Variants in CDC34 observed in about 807,000 individuals in gnomAD.
CDC34 encodes cell division cycle 34, ubiquitin conjugating enzyme.
Under a neutral mutation model 26.8 loss-of-function variants are expected in CDC34, and 18 were observed. That is an observed-to-expected ratio of 0.67 (90% confidence interval 0.47 to 1.00). The LOEUF is 1.00. Ranked by LOEUF, CDC34 falls within the 50% of genes least tolerant of loss-of-function variation. The pLI is 0.00. For missense variants in CDC34, 280 were observed against 334.5 expected, an observed-to-expected ratio of 0.84 and a Z score of 1.27; for synonymous variants, 178 against 147.5, an observed-to-expected ratio of 1.21 and a Z score of -1.50.
At position 542,063 on chromosome 19, in the gene CDC34, A is replaced by G. The variant is rs1980044839; in HGVS notation, c.*511A>G. Reference sequence around the variant, plus strand: ...TTTTCCCTGCTTTGGTTTGTTTGAAATCTAAATAAAACTACTTTATGAGAG... The same window carrying G: ...TTTTCCCTGCTTTGGTTTGTTTGAAGTCTAAATAAAACTACTTTATGAGAG... On this transcript the variant is annotated 3_prime_UTR_variant, in exon 5 of 5. Transcript: ENST00000215574. The G allele has an allele frequency of 6.6e-6, 1 of 152,654 alleles. No homozygotes were observed. The highest frequency in any genetic ancestry group is 1.5e-5 in the Non-Finnish European group (1 of 68,378). The allele number at this position is 152,654 out of a possible 1,614,324, so 9.5% of individuals were successfully genotyped here.
At chr19:536,767 C>T in intron 3 of CDC34, 1 of 569,180 alleles carries the variant, frequency 1.8e-6, no homozygotes, top group Non-Finnish European at 3.2e-6. Flanking sequence ...GGTGTGAGGG[C>T]AGCCCCGGGT....
intron 4 of CDC34, among the ~76,000 whole-genome samples, chr19:539,628 C>T (rs1979920820): frequency 6.6e-6 from 1 of 152,166 alleles, no homozygotes; most frequent in South Asian, 2.1e-4. Flanking sequence ...ACTGTGGGAC[C>T]CGCACACCCT....
intron 3 of CDC34, 54 bp from the exon 4 acceptor site, chr19:536,959 G>C: frequency 6.2e-7 from 1 of 1,610,174 alleles, no homozygotes; most frequent in African/African-American, 1.3e-5. Flanking sequence ...CCAGAGAAGA[G>C]CCGGAAGGCT....
At chr19:538,775 G>A in intron 4 of CDC34, 1 of 985,398 alleles carries the variant, frequency 1.0e-6, no homozygotes, top group South Asian at 4.7e-5. Flanking sequence ...GGCGGTCTCG[G>A]CTCTGAGCAG....
Position 539,083 on chromosome 19 carries a change from C to T in CDC34, c.497+1936C>T, listed in dbSNP as rs139963220. Reference sequence around the variant, plus strand: ...TGTGCCATGTGGACTCTGCTGTGGTCGCCGTTTCTGCCTGTTTTTTCATCT... The same window carrying T: ...TGTGCCATGTGGACTCTGCTGTGGTTGCCGTTTCTGCCTGTTTTTTCATCT... On this transcript the variant is annotated intron_variant, in intron 4 of 4. Transcript: ENST00000215574. 1.9e-4 allele frequency: 170 copies of T among 899,990 alleles called. 2 individuals are homozygous for T. In the African/African-American group the frequency reaches 2.7e-3, roughly 14 times the overall value. 55.8% of individuals were successfully genotyped at this position (899,990 alleles called of 1,614,324 possible). A position where few individuals can be genotyped will look rare whatever the true frequency, so the allele number is the denominator to read the frequency against.
intron 4 of CDC34, among the ~76,000 whole-genome samples, chr19:537,542 C>T (rs1451691044): frequency 6.6e-6 from 1 of 151,320 alleles, no homozygotes; most frequent in Non-Finnish European, 1.5e-5. Context: ...TTAGTAGAGA[C>T]GGGGTTTCAG....
chr19:536,070 C>T (rs1979729594), intron 2 of CDC34, 147 bp downstream of exon 2: 2 of 890,602 alleles, frequency 2.2e-6, no homozygotes, highest in South Asian at 1.5e-5. Context: ...AGCCTCACGT[C>T]CTCGTCCTTC....
intron 1 of CDC34, among the ~76,000 whole-genome samples, chr19:532,619 G>A (rs1332794226): frequency 1.3e-5 from 2 of 152,240 alleles, no homozygotes; most frequent in Non-Finnish European, 2.9e-5. Context: ...CCGTGAGCGG[G>A]GGAGCGAGGC....
intron 1 of CDC34, among the ~76,000 whole-genome samples, chr19:534,029 C>T (rs925227713): frequency 2.6e-5 from 4 of 152,236 alleles, no homozygotes; most frequent in African/African-American, 4.8e-5. Flanking sequence ...AGGGCGCTTT[C>T]CTTTTCTGAG....
In CDC34 at chr19:532,358, C is replaced by T. The variant is rs532288607; in HGVS notation, c.177+250C>T. On this transcript the variant is annotated intron_variant, in intron 1 of 4. Coordinates refer to ENST00000215574, the MANE Select transcript of CDC34 (RefSeq NM_004359.2). Reference sequence around the variant, plus strand: ...TCCCCAGTTCCCTTCAAGGCATCGTCCGGTCCCCTGTTAGGCTCTTGGCCC... The same window carrying T: ...TCCCCAGTTCCCTTCAAGGCATCGTTCGGTCCCCTGTTAGGCTCTTGGCCC... Among the ~76,000 whole-genome samples the T allele has an allele frequency of 3.9e-5, 6 of 152,336 alleles. No homozygotes were observed. In the East Asian group the frequency reaches 1.2e-3, roughly 29 times the overall value.
At chr19:536,457 C>A in intron 3 of CDC34, 117 bp downstream of exon 3, 1 of 774,798 alleles carries the variant, frequency 1.3e-6, no homozygotes, top group Non-Finnish European at 2.1e-6. Flanking sequence ...GCGCCAAGGC[C>A]TGATTCGGGA....
chr19:537,311 C>T (rs1372627384), intron 4 of CDC34, among the ~76,000 whole-genome samples, 164 bp downstream of exon 4: 2 of 152,116 alleles, frequency 1.3e-5, no homozygotes, highest in Non-Finnish European at 2.9e-5. Context: ...GGCCGAGTGG[C>T]GGAGGGTCCA....
chr19:535,130 C>T (rs975013617), intron 1 of CDC34, among the ~76,000 whole-genome samples: 35 of 152,340 alleles, frequency 2.3e-4, no homozygotes, highest in African/African-American at 8.2e-4. Flanking sequence ...TCACCTGGCA[C>T]GTGGCTTCAG....
chr19:534,444 C>G (rs1027697355), intron 1 of CDC34, among the ~76,000 whole-genome samples: 2 of 143,448 alleles, frequency 1.4e-5, no homozygotes, highest in African/African-American at 5.1e-5. Context: ...ACCTCGCCCA[C>G]GATCCAAGAC....
At chr19:533,906 G>A (rs546996790) in intron 1 of CDC34, among the ~76,000 whole-genome samples, 13 of 152,328 alleles carry the variant, frequency 8.5e-5, no homozygotes, top group Admixed American at 5.2e-4. Flanking sequence ...GCCCAGGGCC[G>A]CTGCTGCCCA....
chr19:535,905 G>A lies in CDC34; in HGVS notation c.246G>A (p.Trp82Ter). ...PPAFRFLTKM[W>*]HPNIYETGDV... ...CCTTTCGGTTCCTGACCAAGATGTG[G>A]CACCCTAACATCTACGAGGTGAGCG... is the stretch of plus-strand genomic sequence containing the variant. Residue 82 changes from tryptophan (W) to a stop codon, truncating the protein, a stop_gained, in exon 2 of 5, where the codon TGG becomes TGA. Transcript: ENST00000215574. LOFTEE classifies it high-confidence loss of function. 6.2e-7 allele frequency: 1 copy of A among 1,613,626 alleles called. No homozygotes were observed. The highest frequency in any genetic ancestry group is 8.5e-7 in the Non-Finnish European group (1 of 1,179,770).
intron 4 of CDC34, among the ~76,000 whole-genome samples, chr19:537,651 CTTTTTT>C (rs773623358): frequency 7.5e-5 from 5 of 67,076 alleles, no homozygotes; most frequent in Non-Finnish European, 1.4e-4. Flanking sequence ...CGCGGCCGGC[CTTTTTT>C]TTTTTTTTTT....
Position 537,064 on chromosome 19 carries a change from G to T in CDC34, c.414G>T (p.Ser138=). Reference sequence around the variant, plus strand: ...TCCTGAACGAGCCCAACACCTTCTCGCCCGCAAACGTGGACGCCTCCGTGA... The same window carrying T: ...TCCTGAACGAGCCCAACACCTTCTCTCCCGCAAACGTGGACGCCTCCGTGA... ...ISLLNEPNTF[S]PANVDASVMY... Residue 138 remains serine (S), a synonymous_variant, in exon 4 of 5, where the codon TCG becomes TCT. Coordinates refer to ENST00000215574, the MANE Select transcript of CDC34 (RefSeq NM_004359.2). 6.2e-7 allele frequency: 1 copy of T among 1,613,902 alleles called. No individual in the cohort carries two copies.
chr19:537,150 G>A lies in CDC34; in HGVS notation c.497+3G>A, dbSNP rs751471096. ...CGGGAGTACACAGACATCATCCGGT[G>A]AGGGCGGGCGGGGGCGTCACGGGAG... On this transcript the variant is annotated splice_donor_region_variant and intron_variant, in intron 4 of 4. Transcript: ENST00000215574. 4 of 1,612,742 alleles carry A rather than the reference G, an allele frequency of 2.5e-6. No individual in the cohort carries two copies. In the African/African-American group the frequency reaches 5.3e-5, roughly 22 times the overall value.
Sources: gnomAD v4.1 joint callset for allele counts (sites outside exome capture counted in the v4.1 genomes callset) on GRCh38, gnomAD v4.1.1 for gene constraint, MANE v1.5 for transcripts, NCBI Gene and HGNC (gene_info 2026-07-23, HGNC 2026-07-21) for gene names.